Variants in CACNA1E observed in about 807,000 individuals in gnomAD.
The protein encoded by CACNA1E is voltage-dependent R-type calcium channel subunit alpha-1E.
In CACNA1E, 40 loss-of-function variants were observed where a neutral mutation model predicts 259.2. The ratio of observed to expected loss-of-function variants is 0.15; its 90% confidence interval spans 0.12 to 0.20. The LOEUF (loss-of-function observed/expected upper bound fraction) is 0.20, where lower values mean the gene tolerates loss of function less well. CACNA1E is among the 10% of genes least tolerant of loss of function. The pLI, the probability that CACNA1E is intolerant of heterozygous loss-of-function variation, is 1.00. For missense variants in CACNA1E, 1,874 were observed against 3,040.1 expected (o/e 0.62, Z 9.02); for synonymous variants, 1,104 against 1,138.5 (o/e 0.97, Z 0.61).
At chr1:181,743,259 C>A (rs761333780) in intron 25 of CACNA1E, among the ~76,000 whole-genome samples, 14 of 152,220 alleles carry the variant, frequency 9.2e-5, no homozygotes, top group Non-Finnish European at 1.9e-4. Flanking sequence ...CAAGAAAAGT[C>A]TGGTGAGTGG....
chr1:181,536,517 A>G (rs1436693239), intron 3 of CACNA1E, among the ~76,000 whole-genome samples: 7 of 152,140 alleles, frequency 4.6e-5, no homozygotes, highest in African/African-American at 1.7e-4. Context: ...TAAGCTGATA[A>G]TTATATGTCT....
chr1:181,785,875 G>A (rs1039368104), intron 43 of CACNA1E, 56 bp downstream of exon 43: 4 of 1,162,666 alleles, frequency 3.4e-6, no homozygotes, highest in Non-Finnish European at 3.8e-6. Flanking sequence ...CACCCATGCT[G>A]TTGTGCAGAC....
intron 1 of CACNA1E, among the ~76,000 whole-genome samples, chr1:181,345,651 G>A (rs560574554): frequency 3.9e-5 from 6 of 152,318 alleles, no homozygotes; most frequent in South Asian, 2.1e-4. Flanking sequence ...AGTGGAGAGC[G>A]GGGCTCATCG....
intron 35 of CACNA1E, among the ~76,000 whole-genome samples, chr1:181,767,070 A>G (rs1425761522): frequency 3.9e-5 from 6 of 152,202 alleles, no homozygotes; most frequent in South Asian, 2.1e-4. Context: ...GCTGTCTTAT[A>G]GAGTCTTATA....
chr1:181,400,588 C>A (rs757725349), intron 1 of CACNA1E, among the ~76,000 whole-genome samples: 13 of 152,128 alleles, frequency 8.5e-5, no homozygotes, highest in Non-Finnish European at 1.9e-4. Flanking sequence ...AGCCTCGAGA[C>A]CCCTTTAGGA....
intron 1 of CACNA1E, among the ~76,000 whole-genome samples, chr1:181,344,798 G>A (rs752937177): frequency 1.8e-4 from 27 of 152,186 alleles, no homozygotes; most frequent in Non-Finnish European, 3.5e-4. Context: ...GCTGGCCATC[G>A]GCCTGGGAAC....
chr1:181,693,852 C>T (rs1318473437), intron 7 of CACNA1E, among the ~76,000 whole-genome samples: 6 of 152,120 alleles, frequency 3.9e-5, no homozygotes, highest in Non-Finnish European at 7.4e-5. Flanking sequence ...TAAATAAACA[C>T]AGATCTGTTA....
At chr1:181,652,981 G>A (rs1195726777) in intron 7 of CACNA1E, among the ~76,000 whole-genome samples, 1 of 151,972 alleles carries the variant, frequency 6.6e-6, no homozygotes, top group Non-Finnish European at 1.5e-5. Context: ...GAGTTGAGAG[G>A]ATTCCTCTTT....
At chr1:181,354,199 G>A (rs572133419) in intron 1 of CACNA1E, among the ~76,000 whole-genome samples, 1 of 150,758 alleles carries the variant, frequency 6.6e-6, no homozygotes, top group Admixed American at 6.6e-5. Flanking sequence ...CACATCGTAG[G>A]CACTCAATCA....
intron 1 of CACNA1E, among the ~76,000 whole-genome samples, chr1:181,394,071 G>A (rs527382570): frequency 1.4e-4 from 22 of 152,272 alleles, no homozygotes; most frequent in Admixed American, 3.9e-4. Context: ...ACTTCAGTTG[G>A]CCAAAGGTGG....
chr1:181,578,824 CAG>C (rs1287636024), intron 4 of CACNA1E, among the ~76,000 whole-genome samples: 1 of 152,208 alleles, frequency 6.6e-6, no homozygotes, highest in Non-Finnish European at 1.5e-5. Flanking sequence ...GCTTCCCCAA[CAG>C]AGACTGAGAA....
chr1:181,624,484 AT>A (rs1358785937), intron 6 of CACNA1E, among the ~76,000 whole-genome samples: 1 of 152,178 alleles, frequency 6.6e-6, no homozygotes, highest in Non-Finnish European at 1.5e-5. Context: ...AATTTTCTAA[AT>A]TTTTTGTTGT....
intron 1 of CACNA1E, among the ~76,000 whole-genome samples, chr1:181,508,072 C>A (rs1427433140): frequency 6.6e-6 from 1 of 151,644 alleles, no homozygotes; most frequent in Non-Finnish European, 1.5e-5. Flanking sequence ...GAACACCGTT[C>A]AAAAGAGATG....
Position 181,732,988 on chromosome 1 carries a change from G to A in CACNA1E, c.2902G>A (p.Ala968Thr), listed in dbSNP as rs1655662576. 1 of 1,612,654 alleles carries A rather than the reference G, an allele frequency of 6.2e-7. No homozygotes were observed. Residue 968 changes from alanine (A) to threonine (T), a missense_variant, in exon 20 of 48, where the codon GCC becomes ACC. Transcript: ENST00000367573. This position sits in a 1 kb window ranked among gnomAD's most constrained non-coding sequence, Gnocchi z 5.5. ...CCATGAGCTCAGGGGCAACCATGGT[G>A]CCAAGGAGCCAACGATCCAAGAAGA... The part of the protein sequence containing the change: ...KDHELRGNHG[A>T]KEPTIQEERA...
At chr1:181,754,058 G>T (rs931078841) in intron 27 of CACNA1E, among the ~76,000 whole-genome samples, 8 of 152,156 alleles carry the variant, frequency 5.3e-5, no homozygotes, top group Middle Eastern at 3.2e-3. Context: ...ATGCTCATTG[G>T]GTTCTGCCTC....
chr1:181,366,182 C>T (rs949460169), intron 1 of CACNA1E, among the ~76,000 whole-genome samples: 1 of 152,170 alleles, frequency 6.6e-6, no homozygotes, highest in African/African-American at 2.4e-5. Context: ...TATCTGACAC[C>T]TTCCATTTTA....
intron 6 of CACNA1E, among the ~76,000 whole-genome samples, chr1:181,595,244 T>G (rs1572326178): frequency 6.6e-6 from 1 of 152,308 alleles, no homozygotes; most frequent in African/African-American, 2.4e-5. Flanking sequence ...GTCTCTATGA[T>G]GCCATCCTTG....
Position 181,724,430 on chromosome 1 carries a change from T to C in CACNA1E, c.2075-40T>C, listed in dbSNP as rs773984079. Reference sequence around the variant, plus strand: ...GGCCTCTCAGCCTTGCTGAAGACTTTTGCTTTTCTTATTTGCCCATCCTTA... The same window carrying C: ...GGCCTCTCAGCCTTGCTGAAGACTTCTGCTTTTCTTATTTGCCCATCCTTA... On this transcript the variant is annotated intron_variant, in intron 16 of 47. Transcript: ENST00000367573. 16 of 1,567,434 alleles carry C rather than the reference T, an allele frequency of 1.0e-5. No individual in the cohort carries two copies. In the East Asian group the frequency reaches 2.5e-4, roughly 24 times the overall value.
At chr1:181,718,000 A>C (rs1302356333) in intron 11 of CACNA1E, 55 bp from the exon 12 acceptor site, 2 of 821,670 alleles carry the variant, frequency 2.4e-6, no homozygotes, top group Non-Finnish European at 4.2e-6. Context: ...TTAGCTGAGA[A>C]GTGCATGAGC....
Sources: allele counts gnomAD v4.1 joint callset (sites outside exome capture counted in the v4.1 genomes callset), GRCh38; gene constraint gnomAD v4.1.1; non-coding constraint Gnocchi (gnomAD v3.1); transcripts MANE v1.5; gene names NCBI Gene and HGNC (gene_info 2026-07-23, HGNC 2026-07-21).